PCDHA1: variants seen among roughly 807,000 people sequenced by gnomAD.
The protein encoded by PCDHA1 is protocadherin alpha 1.
In PCDHA1, 42 loss-of-function variants were observed where a neutral mutation model predicts 61.3. The observed-to-expected ratio is 0.69, with a 90% CI of 0.54 to 0.89. The LOEUF (loss-of-function observed/expected upper bound fraction) is 0.89. Among genes scored for constraint, PCDHA1 ranks in the 40% least tolerant of loss-of-function variants. The pLI is 0.00. For synonymous variants in PCDHA1, 610 were observed against 553.8 expected (o/e 1.10, Z -1.43); for missense variants, 1,256 against 1,235.3 (o/e 1.02, Z -0.25).
intron 1 of PCDHA1, chr5:140,966,545 G>A: frequency 2.1e-6 from 1 of 465,980 alleles, no homozygotes; most frequent in Non-Finnish European, 3.7e-6. Context: ...CGACTCGGAG[G>A]CGAGCGGAGG....
intron 1 of PCDHA1, among the ~76,000 whole-genome samples, chr5:140,943,277 AGAAAG>A (rs797041544): frequency 8.1e-4 from 104 of 129,164 alleles, no homozygotes; most frequent in African/African-American, 3.0e-3. Context: ...AAAAAAAAAA[AGAAAG>A]AAAGAATTAA....
rs139859573 is a variant in PCDHA1, at chr5:140,940,130, A to G, written c.2395-38819A>G. ...TGTATTATTTACCTCTATTTCTGCT[A>G]GTGATAAACTATTATAGTTTTTGTT... On this transcript the variant is annotated intron_variant, in intron 1 of 3. Transcript: ENST00000504120. Among the ~76,000 whole-genome samples, 378 of 152,286 alleles carry G rather than the reference A, an allele frequency of 2.5e-3. 4 individuals carry two copies. Among genetic ancestry groups the G allele is most frequent in the Non-Finnish European group, 4.6e-3 (313 of 68,020 alleles).
chr5:140,913,219 C>A (rs2076256091), intron 1 of PCDHA1, among the ~76,000 whole-genome samples: 2 of 152,122 alleles, frequency 1.3e-5, no homozygotes, highest in Non-Finnish European at 2.9e-5. Context: ...GGGTCCCAGG[C>A]TTTACTTTGC....
chr5:140,920,854 A>C (rs1369314704), intron 1 of PCDHA1, among the ~76,000 whole-genome samples: 1 of 152,006 alleles, frequency 6.6e-6, no homozygotes, highest in East Asian at 1.9e-4. Context: ...AAAAAAAAAA[A>C]AAAACAAACA....
intron 1 of PCDHA1, chr5:140,805,694 C>G (rs892183800): frequency 1.1e-5 from 7 of 658,378 alleles, no homozygotes; most frequent in Non-Finnish European, 1.3e-5. Context: ...ATCATGATTA[C>G]CAAGAATTAG....
intron 3 of PCDHA1, among the ~76,000 whole-genome samples, chr5:141,003,459 GCAC>G (rs1442979686): frequency 6.6e-6 from 1 of 152,028 alleles, no homozygotes; most frequent in African/African-American, 2.4e-5. Context: ...TTACAGGCGT[GCAC>G]CACCACAGTC....
chr5:140,878,378 G>T (rs1449332570), intron 1 of PCDHA1, among the ~76,000 whole-genome samples: 3 of 152,178 alleles, frequency 2.0e-5, no homozygotes, highest in African/African-American at 7.2e-5. Flanking sequence ...TATGATGAAT[G>T]ATTTTCTTCA....
intron 1 of PCDHA1, among the ~76,000 whole-genome samples, chr5:140,831,611 C>T (rs1403752788): frequency 9.3e-5 from 14 of 150,788 alleles, no homozygotes. Flanking sequence ...GATCTGCCCA[C>T]CTTGGCCTCC....
chr5:140,828,120 G>T, intron 1 of PCDHA1: 1 of 1,612,792 alleles, frequency 6.2e-7, no homozygotes. Context: ...GATAGATTGG[G>T]AAAGCAATGT....
At chr5:140,916,929 G>A (rs2077785456) in intron 1 of PCDHA1, among the ~76,000 whole-genome samples, 1 of 152,214 alleles carries the variant, frequency 6.6e-6, no homozygotes, top group African/African-American at 2.4e-5. Context: ...GAGCACTTAA[G>A]CATATAGTGG....
At chr5:140,990,341 C>A (rs2097389083) in intron 3 of PCDHA1, among the ~76,000 whole-genome samples, 1 of 152,110 alleles carries the variant, frequency 6.6e-6, no homozygotes, top group South Asian at 2.1e-4. Flanking sequence ...ATAAGTAAAG[C>A]CTGCCCTGTA....
At chr5:140,801,260 C>T (rs1290805371) in intron 1 of PCDHA1, 2 of 1,613,632 alleles carry the variant, frequency 1.2e-6, no homozygotes, top group African/African-American at 2.7e-5. Flanking sequence ...TTCTGCTCCT[C>T]GCAGCCTCGG....
chr5:140,837,156 A>G (rs1554136407), intron 1 of PCDHA1: 1 of 153,056 alleles, frequency 6.5e-6, no homozygotes, highest in Non-Finnish European at 1.5e-5. Context: ...TTTATAAAAT[A>G]TAGCTGTGTC....
At chr5:140,864,838 A>C (rs868993134) in intron 1 of PCDHA1, 5 of 152,252 alleles carry the variant, frequency 3.3e-5, no homozygotes, top group Admixed American at 1.3e-4. Flanking sequence ...AGTATAAGAG[A>C]GTCTTCCCAT....
chr5:140,801,742 T>G (rs965302343), intron 1 of PCDHA1: 1 of 1,613,990 alleles, frequency 6.2e-7, no homozygotes, highest in Non-Finnish European at 8.5e-7. Flanking sequence ...ACCTTGGACG[T>G]TAAAAGAAAT....
rs1554169514 is a variant in PCDHA1, at chr5:140,877,250, A to C, written c.2394+88566A>C. On this transcript the variant is annotated intron_variant, in intron 1 of 3. Transcript: ENST00000504120. Reference sequence around the variant, plus strand: ...GTGGGTGCGGGCCACGTGGTGGCGAAAGTGCGCGCGGTGGACGCTGACTCC... The same window carrying C: ...GTGGGTGCGGGCCACGTGGTGGCGACAGTGCGCGCGGTGGACGCTGACTCC... 1.9e-6 allele frequency: 3 copies of C among 1,613,668 alleles called. No homozygotes were observed. In the African/African-American group the frequency reaches 4.0e-5, roughly 22 times the overall value.
intron 1 of PCDHA1, among the ~76,000 whole-genome samples, chr5:140,918,323 T>C (rs1554198562): frequency 7.2e-5 from 11 of 152,184 alleles, no homozygotes. Flanking sequence ...TATAAAATTA[T>C]ATTGTCTGCT....
intron 1 of PCDHA1, chr5:140,797,332 G>A (rs782793787): frequency 1.2e-6 from 2 of 1,614,162 alleles, no homozygotes; most frequent in South Asian, 2.2e-5. Flanking sequence ...ACAGCTCTCA[G>A]AATCAGAATA....
chr5:140,801,805 A>G (rs2149953968), intron 1 of PCDHA1: 1 of 1,614,122 alleles, frequency 6.2e-7, no homozygotes, highest in South Asian at 1.1e-5. Context: ...TTAAATCGAG[A>G]GGACACTCCT....
Sources: allele counts gnomAD v4.1 joint callset (sites outside exome capture counted in the v4.1 genomes callset), GRCh38; gene constraint gnomAD v4.1.1; transcripts MANE v1.5; gene names NCBI Gene and HGNC (gene_info 2026-07-23, HGNC 2026-07-21).